The following ATP8B4 variants were observed in gnomAD, a reference collection of about 807,000 sequenced individuals.
ATP8B4 encodes the protein probable phospholipid-transporting ATPase IM.
In ATP8B4, 133 loss-of-function variants were observed where a neutral mutation model predicts 145.6. The ratio of observed to expected loss-of-function variants is 0.91; its 90% CI spans 0.79 to 1.05. The LOEUF (loss-of-function observed/expected upper bound fraction) is 1.05, where lower values mean the gene tolerates loss of function less well. Among genes scored for constraint, ATP8B4 ranks in the 50% least tolerant of loss-of-function variants. The pLI, the probability that ATP8B4 is intolerant of heterozygous loss-of-function variation, is 0.00. For synonymous variants in ATP8B4, 507 were observed against 492.9 expected (o/e 1.03, Z -0.38); for missense variants, 1,458 against 1,425.2 (o/e 1.02, Z -0.37).
At chr15:49,972,025 G>A (rs1204488148) in intron 13 of ATP8B4, among the ~76,000 whole-genome samples, 2 of 152,140 alleles carry the variant, frequency 1.3e-5, no homozygotes, top group East Asian at 1.9e-4. Context: ...CACAGGAACA[G>A]AAAACCAAAC....
intron 13 of ATP8B4, among the ~76,000 whole-genome samples, chr15:49,971,711 T>C (rs2045151292): frequency 6.6e-6 from 1 of 152,196 alleles, no homozygotes; most frequent in Non-Finnish European, 1.5e-5. Context: ...GAAGACAGTG[T>C]GGCAATTCCT....
intron 6 of ATP8B4, among the ~76,000 whole-genome samples, chr15:50,025,964 T>A (rs1472440974): frequency 6.6e-6 from 1 of 152,246 alleles, no homozygotes; most frequent in Non-Finnish European, 1.5e-5. Context: ...ATTACCCTAG[T>A]AGCCTCATGC....
rs1273412168 is a variant in ATP8B4 at position 50,072,995 on chromosome 15, TATATATATATATATATATATATATACAC to T, written c.87+1104_87+1131del. ...CTCTCTCTCTCTATATATATATATA[TATATATATATATATATATATATATACAC>T]ACACACACACACACACACACACACA... On this transcript the variant is annotated intron_variant, in intron 3 of 27. Transcript: ENST00000284509. 1.5e-4 allele frequency among the ~76,000 whole-genome samples: 6 copies of T among 39,476 alleles called. 1 individual carries two copies. Among genetic ancestry groups the T allele is most frequent in the Non-Finnish European group, 4.3e-5 (1 of 23,012 alleles). The allele number at this position is 39,476 out of a possible 152,430, so 25.9% of individuals were successfully genotyped here.
chr15:50,091,434 C>G (rs1053907815), intron 2 of ATP8B4, among the ~76,000 whole-genome samples: 3 of 151,920 alleles, frequency 2.0e-5, no homozygotes, highest in Non-Finnish European at 2.9e-5. Context: ...TTTATAAAAC[C>G]ACAATATGGC....
At chr15:49,916,239 T>C (rs1190646884) in intron 20 of ATP8B4, among the ~76,000 whole-genome samples, 1 of 152,116 alleles carries the variant, frequency 6.6e-6, no homozygotes, top group Non-Finnish European at 1.5e-5. Context: ...TGAAATAAAT[T>C]GGTACATCTT....
intron 6 of ATP8B4, among the ~76,000 whole-genome samples, chr15:50,033,977 G>T (rs560797114): frequency 6.6e-5 from 10 of 152,240 alleles, no homozygotes; most frequent in Non-Finnish European, 1.0e-4. Flanking sequence ...TGGGCATTTA[G>T]GAAGATTCCA....
chr15:50,096,133 CA>C (rs1173774547), intron 2 of ATP8B4, among the ~76,000 whole-genome samples: 1 of 152,196 alleles, frequency 6.6e-6, no homozygotes, highest in East Asian at 1.9e-4. Context: ...AAGACTGAGC[CA>C]GGGGGAAATT....
At chr15:50,024,050 A>G (rs1706656221) in intron 6 of ATP8B4, among the ~76,000 whole-genome samples, 1 of 152,162 alleles carries the variant, frequency 6.6e-6, no homozygotes, top group Non-Finnish European at 1.5e-5. Context: ...TTATCACTCA[A>G]GTTTCAAAGG....
chr15:49,863,576 C>A (rs931863746), intron 26 of ATP8B4, among the ~76,000 whole-genome samples: 4 of 152,202 alleles, frequency 2.6e-5, no homozygotes, highest in Non-Finnish European at 5.9e-5. Context: ...TTCAAATGCG[C>A]TTTGGGTATG....
chr15:50,166,795 A>G (rs749749624), intron 1 of ATP8B4, among the ~76,000 whole-genome samples: 10 of 152,164 alleles, frequency 6.6e-5, no homozygotes, highest in African/African-American at 1.2e-4. Flanking sequence ...GAAGGAGGTA[A>G]TCACATGCCA....
chr15:50,027,671 T>C (rs1472045142), intron 6 of ATP8B4, among the ~76,000 whole-genome samples: 2 of 152,192 alleles, frequency 1.3e-5, no homozygotes, highest in African/African-American at 2.4e-5. Context: ...GACTGAACAC[T>C]GGACATTAAG....
chr15:49,902,819 T>C (rs2038186602), intron 20 of ATP8B4, among the ~76,000 whole-genome samples: 1 of 152,204 alleles, frequency 6.6e-6, no homozygotes, highest in Non-Finnish European at 1.5e-5. Context: ...TCTGACAATG[T>C]TGCAGAGCTC....
At chr15:49,868,491 G>A (rs1163049121) in intron 25 of ATP8B4, among the ~76,000 whole-genome samples, 1 of 152,108 alleles carries the variant, frequency 6.6e-6, no homozygotes, top group Non-Finnish European at 1.5e-5. Flanking sequence ...ACAGAAGACA[G>A]GTCATAAAAA....
In ATP8B4 at chr15:49,993,004, G is replaced by C. The variant is rs144067963; in HGVS notation, c.589+3673C>G. On this transcript the variant is annotated intron_variant, in intron 9 of 27. Coordinates refer to ENST00000284509, the MANE Select transcript of ATP8B4 (RefSeq NM_024837.4). ...TTTTCCAATCACCAGAGGAAAACCT[G>C]AAATCTACTGATATTTCATTAGGAC... Among the ~76,000 whole-genome samples, 486 of 152,160 alleles carry C rather than the reference G, an allele frequency of 3.2e-3. 2 individuals are homozygous for C. Among genetic ancestry groups the C allele is most frequent in the Non-Finnish European group, 5.6e-3 (383 of 67,996 alleles).
intron 14 of ATP8B4, among the ~76,000 whole-genome samples, chr15:49,939,103 G>A (rs2041957959): frequency 6.6e-6 from 1 of 152,054 alleles, no homozygotes; most frequent in South Asian, 2.1e-4. Context: ...GGCAAAAGCA[G>A]TAATAAGGGG....
chr15:49,995,030 A>T (rs1049857160), intron 9 of ATP8B4, among the ~76,000 whole-genome samples: 1 of 152,132 alleles, frequency 6.6e-6, no homozygotes, highest in Non-Finnish European at 1.5e-5. Context: ...CCCACTAAGA[A>T]TGTGACATGA....
At chr15:50,156,956 A>C (rs550618707) in intron 1 of ATP8B4, among the ~76,000 whole-genome samples, 96 of 152,278 alleles carry the variant, frequency 6.3e-4, no homozygotes, top group African/African-American at 2.2e-3. Context: ...TTTGCTCTTG[A>C]AAGATTTTTA....
chr15:49,862,537 A>T (rs2032026917), intron 26 of ATP8B4, among the ~76,000 whole-genome samples, 162 bp from the exon 27 acceptor site: 1 of 151,970 alleles, frequency 6.6e-6, no homozygotes, highest in African/African-American at 2.4e-5. Context: ...GCTCACTGCA[A>T]GCTCTGCCTC....
chr15:49,907,575 G>A (rs2038758530), intron 20 of ATP8B4, among the ~76,000 whole-genome samples: 1 of 152,206 alleles, frequency 6.6e-6, no homozygotes, highest in African/African-American at 2.4e-5. Context: ...GACAAGGAAT[G>A]AGGAAGGCAA....
Sources: gnomAD v4.1 joint callset for allele counts (sites outside exome capture counted in the v4.1 genomes callset) on GRCh38, gnomAD v4.1.1 for gene constraint, MANE v1.5 for transcripts, NCBI Gene and HGNC (gene_info 2026-07-23, HGNC 2026-07-21) for gene names.